TSPAN9: variants seen among roughly 807,000 people sequenced by gnomAD.
TSPAN9 encodes tetraspanin-9.
Under a neutral mutation model 31.0 loss-of-function variants are expected in TSPAN9, and 16 were observed. The ratio of observed to expected loss-of-function variants is 0.52; its 90% confidence interval spans 0.35 to 0.78. TSPAN9 has a LOEUF of 0.78. TSPAN9 is among the 30% of genes least tolerant of loss of function. TSPAN9 has a pLI of 0.01. For missense variants in TSPAN9, 272 were observed against 312.5 expected (o/e 0.87, Z 0.98); for synonymous variants, 145 against 121.6 (o/e 1.19, Z -1.27).
chr12:3,177,474 C>A (rs2098356409), intron 2 of TSPAN9, among the ~76,000 whole-genome samples: 2 of 152,108 alleles, frequency 1.3e-5, no homozygotes, highest in African/African-American at 4.8e-5. Flanking sequence ...GCTCTGTTGC[C>A]CAGGCTGGAG....
chr12:3,191,585 G>T (rs1047562041), intron 2 of TSPAN9, among the ~76,000 whole-genome samples: 5 of 152,188 alleles, frequency 3.3e-5, no homozygotes, highest in African/African-American at 1.2e-4. Context: ...GGTGGCACGA[G>T]GTGATCAGAC....
At chr12:3,145,579 C>T (rs1035779326) in intron 2 of TSPAN9, among the ~76,000 whole-genome samples, 17 of 152,146 alleles carry the variant, frequency 1.1e-4, no homozygotes, top group African/African-American at 2.9e-4. Flanking sequence ...GAAACTCACT[C>T]GTCACCCTGA....
rs527982370 is a variant in TSPAN9, at chr12:3,089,445, T to C, written c.-18+5726T>C. On this transcript the variant is annotated intron_variant, in intron 2 of 8. Transcript: ENST00000011898. The stretch of plus-strand genomic sequence containing the variant: ...CCGAGTAGCTGGGATTACAGGCATG[T>C]GCCACCACGCCTGGCTAATTTTTGT... Among the ~76,000 whole-genome samples the C allele has an allele frequency of 2.5e-3, 375 of 150,870 alleles. 2 individuals carry two copies. Among genetic ancestry groups the C allele is most frequent in the African/African-American group, 3.5e-3 (146 of 41,226 alleles).
chr12:3,263,193 G>A (rs938335037), intron 3 of TSPAN9, among the ~76,000 whole-genome samples: 1 of 152,254 alleles, frequency 6.6e-6, no homozygotes, highest in African/African-American at 2.4e-5. Context: ...AGAGGACTAA[G>A]CAGAAGCACA....
chr12:3,129,065 A>G (rs1431270772), intron 2 of TSPAN9, among the ~76,000 whole-genome samples: 1 of 152,160 alleles, frequency 6.6e-6, no homozygotes, highest in Non-Finnish European at 1.5e-5. Context: ...TTGTACCCTC[A>G]AGGTTCATCC....
chr12:3,209,434 C>T lies in TSPAN9; in HGVS notation c.63+8178C>T, dbSNP rs574713045. On this transcript the variant is annotated intron_variant, in intron 3 of 8. Coordinates refer to ENST00000011898, the MANE Select transcript of TSPAN9 (RefSeq NM_006675.5). ...TAAACAACACTTCTGTAAACATTCTCGTATAAGTCTTCTGGTGTACATGTG... is the reference window on the plus strand; with the variant it reads ...TAAACAACACTTCTGTAAACATTCTTGTATAAGTCTTCTGGTGTACATGTG... Among the ~76,000 whole-genome samples the T allele has an allele frequency of 2.0e-5, 3 of 152,196 alleles. No homozygotes were observed. In the East Asian group the frequency reaches 5.8e-4, roughly 29 times the overall value.
chr12:3,140,721 G>C (rs895854150), intron 2 of TSPAN9, among the ~76,000 whole-genome samples: 2 of 152,086 alleles, frequency 1.3e-5, no homozygotes, highest in Non-Finnish European at 2.9e-5. Context: ...TGAGGTAGGA[G>C]GACTCAGGGA....
chr12:3,087,214 G>A (rs570810146), intron 2 of TSPAN9, among the ~76,000 whole-genome samples: 1 of 152,292 alleles, frequency 6.6e-6, no homozygotes, highest in East Asian at 1.9e-4. Context: ...GGGCCCACGT[G>A]TGCACTCTCA....
intron 2 of TSPAN9, among the ~76,000 whole-genome samples, chr12:3,161,772 A>AATCT (rs79768137): frequency 0.021 from 3,175 of 150,318 alleles, 43 homozygotes; most frequent in Middle Eastern, 0.034. Flanking sequence ...CTTGGGTTGA[A>AATCT]ATCTATCTAT....
intron 3 of TSPAN9, among the ~76,000 whole-genome samples, chr12:3,258,366 A>G (rs1486273451): frequency 6.6e-6 from 1 of 152,138 alleles, no homozygotes; most frequent in Non-Finnish European, 1.5e-5. Flanking sequence ...ATCCAGGGAT[A>G]TATTCTGGGG....
chr12:3,276,665 G>A (rs112703108), intron 3 of TSPAN9, among the ~76,000 whole-genome samples: 90 of 152,114 alleles, frequency 5.9e-4, no homozygotes, highest in African/African-American at 2.0e-3. Flanking sequence ...ATTTTTCTTC[G>A]TGGCGCATGT....
Position 3,150,507 on chromosome 12 carries a change from T to C in TSPAN9, c.-17-50670T>C, listed in dbSNP as rs570385160. Among the ~76,000 whole-genome samples, 71 of 152,322 alleles carry C rather than the reference T, an allele frequency of 4.7e-4. 1 individual carries two copies. The South Asian group carries it at 0.014, about 30-fold the overall frequency. On this transcript the variant is annotated intron_variant, in intron 2 of 8. Transcript: ENST00000011898. Reference sequence around the variant, plus strand: ...CGGTGTGAATCTTTGGTTTCTTGTCTACATGCTGAGGCTGATATATACGCA... The same window carrying C: ...CGGTGTGAATCTTTGGTTTCTTGTCCACATGCTGAGGCTGATATATACGCA...
intron 3 of TSPAN9, among the ~76,000 whole-genome samples, chr12:3,228,589 G>A (rs1048036051): frequency 6.6e-6 from 1 of 152,248 alleles, no homozygotes; most frequent in Non-Finnish European, 1.5e-5. Flanking sequence ...CTAGAAGTGA[G>A]TGCTCCTAGC....
chr12:3,252,344 G>A (rs1040511363), intron 3 of TSPAN9, among the ~76,000 whole-genome samples: 6 of 152,236 alleles, frequency 3.9e-5, no homozygotes, highest in Non-Finnish European at 8.8e-5. Context: ...TGATGGCAGC[G>A]AGATGGGGAA....
chr12:3,271,735 G>A (rs1033263029), intron 3 of TSPAN9, among the ~76,000 whole-genome samples: 10 of 152,102 alleles, frequency 6.6e-5, no homozygotes, highest in East Asian at 1.9e-4. Flanking sequence ...TGGAGGCATC[G>A]TCTGCTCTCT....
intron 3 of TSPAN9, among the ~76,000 whole-genome samples, chr12:3,233,112 A>G (rs2098391647): frequency 6.6e-6 from 1 of 152,160 alleles, no homozygotes; most frequent in Non-Finnish European, 1.5e-5. Flanking sequence ...TTTGCTGGCT[A>G]GGTCAAACCG....
At chr12:3,273,090 G>T in intron 3 of TSPAN9, 1 of 152,324 alleles carries the variant, frequency 6.6e-6, no homozygotes, top group Non-Finnish European at 1.5e-5. Context: ...CTGTGCTGGG[G>T]GCCTGCACCC....
At chr12:3,207,496 T>G (rs1285966615) in intron 3 of TSPAN9, among the ~76,000 whole-genome samples, 1 of 152,064 alleles carries the variant, frequency 6.6e-6, no homozygotes, top group South Asian at 2.1e-4. Context: ...TGGCACACGG[T>G]CAGGCGGGGG....
At position 3,181,915 on chromosome 12, in the gene TSPAN9, C is replaced by T. The variant is rs1203021812; in HGVS notation, c.-17-19262C>T. ...TCAAAACTGGAACCACAGCCAGAAT[C>T]CAAGCTGACTGAGAGGTGTTCCCAC... On this transcript the variant is annotated intron_variant, in intron 2 of 8. Transcript: ENST00000011898. Among the ~76,000 whole-genome samples the T allele has an allele frequency of 4.6e-5, 7 of 152,280 alleles. No individual in the cohort carries two copies. The East Asian group carries it at 1.2e-3, about 25-fold the overall frequency.
Sources: allele counts gnomAD v4.1 joint callset (sites outside exome capture counted in the v4.1 genomes callset), GRCh38; gene constraint gnomAD v4.1.1; transcripts MANE v1.5; gene names NCBI Gene and HGNC (gene_info 2026-07-23, HGNC 2026-07-21).